The following TMEM273 variants were observed in gnomAD, a reference collection of about 807,000 sequenced individuals.
TMEM273 encodes the protein transmembrane protein 273, also known as chromosome 10 open reading frame 128.
TMEM273 carries 19 observed loss-of-function variants against 17.9 expected under a neutral mutation model. That is an observed-to-expected ratio of 1.06 (90% CI 0.74 to 1.55). The LOEUF is 1.55. Among genes scored for constraint, TMEM273 ranks in the 40% most tolerant of loss-of-function variants. TMEM273 has a pLI of 0.00. For synonymous variants in TMEM273, 66 were observed against 62.0 expected, an observed-to-expected ratio of 1.07 and a Z score of -0.31; for missense variants, 194 against 155.6, an observed-to-expected ratio of 1.25 and a Z score of -1.31.
At chr10:49,167,864 C>A (rs367927493) in intron 2 of TMEM273, 45 bp downstream of exon 2, 4 of 1,610,322 alleles carry the variant, frequency 2.5e-6, no homozygotes, top group Non-Finnish European at 3.4e-6. Context: ...GAGCTTCCTT[C>A]CTGCCCCTGA....
intron 1 of TMEM273, among the ~76,000 whole-genome samples, chr10:49,187,309 A>G (rs1469643742): frequency 6.6e-6 from 1 of 152,154 alleles, no homozygotes; most frequent in African/African-American, 2.4e-5. Context: ...CTGACTCCCA[A>G]GGCCAAAGTC....
At chr10:49,165,564 C>T (rs576477330) in intron 4 of TMEM273, among the ~76,000 whole-genome samples, 1 of 152,318 alleles carries the variant, frequency 6.6e-6, no homozygotes, top group African/African-American at 2.4e-5. Flanking sequence ...ACGGCTGTAG[C>T]CTGTGGCCCT....
chr10:49,178,719 T>C (rs1441105905), intron 1 of TMEM273, among the ~76,000 whole-genome samples: 2 of 152,180 alleles, frequency 1.3e-5, no homozygotes, highest in Non-Finnish European at 2.9e-5. Context: ...GATACTCTAG[T>C]TTGGTTCAAG....
chr10:49,174,224 G>A (rs978637999), intron 1 of TMEM273, among the ~76,000 whole-genome samples: 1 of 152,238 alleles, frequency 6.6e-6, no homozygotes, highest in Non-Finnish European at 1.5e-5. Flanking sequence ...GCTGGCTTGG[G>A]TGATATGGGT....
At chr10:49,164,991 GTATCCAC>G (rs1846077231) in intron 5 of TMEM273, among the ~76,000 whole-genome samples, 1 of 152,166 alleles carries the variant, frequency 6.6e-6, no homozygotes, top group South Asian at 2.1e-4. Flanking sequence ...ACATATGCAA[GTATCCAC>G]TTTGTCCCTG....
chr10:49,164,381 C>CA (rs752639874), intron 5 of TMEM273, among the ~76,000 whole-genome samples: 21 of 152,194 alleles, frequency 1.4e-4, no homozygotes, highest in Non-Finnish European at 2.8e-4. Context: ...CTTACTCCAG[C>CA]AGGGCTTTGC....
chr10:49,167,701 G>C (rs982490418), intron 2 of TMEM273, among the ~76,000 whole-genome samples: 1 of 152,220 alleles, frequency 6.6e-6, no homozygotes. Context: ...GAGGTATCAC[G>C]TCCCCTGTGT....
At chr10:49,165,014 G>A (rs1293817596) in intron 5 of TMEM273, among the ~76,000 whole-genome samples, 191 bp downstream of exon 5, 1 of 152,156 alleles carries the variant, frequency 6.6e-6, no homozygotes, top group East Asian at 1.9e-4. Flanking sequence ...CCCTGGCACT[G>A]TGCTAAGTGC....
At chr10:49,185,270 GT>G (rs1301253277) in intron 1 of TMEM273, among the ~76,000 whole-genome samples, 9 of 152,174 alleles carry the variant, frequency 5.9e-5, no homozygotes, top group Non-Finnish European at 1.2e-4. Flanking sequence ...TTCAAATACT[GT>G]TTCTTTAAAA....
chr10:49,172,329 A>T (rs1590219658), intron 1 of TMEM273, among the ~76,000 whole-genome samples: 1 of 152,164 alleles, frequency 6.6e-6, no homozygotes, highest in African/African-American at 2.4e-5. Context: ...CAAGATTTAC[A>T]CTGAATAAAA....
intron 1 of TMEM273, among the ~76,000 whole-genome samples, chr10:49,168,460 C>T (rs563933031): frequency 2.2e-3 from 331 of 152,200 alleles, no homozygotes; most frequent in African/African-American, 5.6e-3. Context: ...TGGTGCTTGC[C>T]GGCCATAACT....
intron 5 of TMEM273, among the ~76,000 whole-genome samples, chr10:49,162,254 A>C (rs921825847): frequency 7.9e-5 from 12 of 152,196 alleles, no homozygotes; most frequent in African/African-American, 2.7e-4. Context: ...TCCCACACAG[A>C]TGTATGTGTG....
At chr10:49,174,404 G>A (rs1846804207) in intron 1 of TMEM273, among the ~76,000 whole-genome samples, 1 of 152,228 alleles carries the variant, frequency 6.6e-6, no homozygotes, top group African/African-American at 2.4e-5. Flanking sequence ...CATGGGCCTT[G>A]GCTACACAGT....
chr10:49,167,309 C>T (rs947710893), intron 2 of TMEM273, among the ~76,000 whole-genome samples: 1 of 152,272 alleles, frequency 6.6e-6, no homozygotes, highest in Non-Finnish European at 1.5e-5. Context: ...CTAGCCCTTC[C>T]TCACTGATCC....
chr10:49,161,413 C>A (rs984484586), intron 6 of TMEM273, 186 bp downstream of exon 6: 1 of 673,810 alleles, frequency 1.5e-6, no homozygotes, highest in Non-Finnish European at 2.6e-6. Flanking sequence ...CAAGTACCAT[C>A]ATGTCCCAAG....
chr10:49,186,541 T>C (rs969128793), intron 1 of TMEM273, among the ~76,000 whole-genome samples: 4 of 152,228 alleles, frequency 2.6e-5, no homozygotes, highest in African/African-American at 9.6e-5. Context: ...TAGTGAGTGC[T>C]CACCACTTAT....
chr10:49,156,345 T>C, intron 6 of TMEM273: 1 of 1,173,556 alleles, frequency 8.5e-7, no homozygotes, highest in South Asian at 1.4e-5. Flanking sequence ...TTACAGAGGG[T>C]GAGACTTCTC....
At chr10:49,162,062 T>C (rs960271443) in intron 5 of TMEM273, among the ~76,000 whole-genome samples, 2 of 152,220 alleles carry the variant, frequency 1.3e-5, no homozygotes, top group Non-Finnish European at 2.9e-5. Context: ...CCATCTTTCC[T>C]GGATTATGGA....
chr10:49,166,146 C>T (rs1021769887), intron 3 of TMEM273, among the ~76,000 whole-genome samples: 1 of 152,166 alleles, frequency 6.6e-6, no homozygotes, highest in Non-Finnish European at 1.5e-5. Flanking sequence ...AGGCTCTATT[C>T]TCCCCAGAAG....
Sources: gnomAD v4.1 joint callset for allele counts (sites outside exome capture counted in the v4.1 genomes callset) on GRCh38, gnomAD v4.1.1 for gene constraint, MANE v1.5 for transcripts, NCBI Gene and HGNC (gene_info 2026-07-23, HGNC 2026-07-21) for gene names.